Variants in MLH3 observed in about 807,000 individuals in gnomAD.
The protein encoded by MLH3 is DNA mismatch repair protein Mlh3.
Under a neutral mutation model 122.2 loss-of-function variants are expected in MLH3, and 82 were observed. That is an observed-to-expected ratio of 0.67 (90% confidence interval 0.56 to 0.81). The LOEUF (loss-of-function observed/expected upper bound fraction) is 0.81, where lower values mean the gene tolerates loss of function less well. Among genes scored for constraint, MLH3 ranks in the 30% least tolerant of loss-of-function variants. The pLI is 0.00. For synonymous variants in MLH3, 524 were observed against 599.5 expected, an observed-to-expected ratio of 0.87 and a Z score of 1.84; for missense variants, 1,539 against 1,714.5, an observed-to-expected ratio of 0.90 and a Z score of 1.81.
chr14:75,039,351 C>A (rs890700256), intron 5 of MLH3, among the ~76,000 whole-genome samples: 3 of 152,112 alleles, frequency 2.0e-5, no homozygotes, highest in African/African-American at 7.2e-5. Context: ...AATTTGTTAG[C>A]CTCCTAATTT....
Position 75,046,421 on chromosome 14 carries a change from T to C in MLH3, c.3235A>G (p.Thr1079Ala), listed in dbSNP as rs200350079. 109 of 1,614,190 alleles carry C rather than the reference T, an allele frequency of 6.8e-5. No individual in the cohort carries two copies. Among genetic ancestry groups the C allele is most frequent in the Non-Finnish European group, 8.4e-5 (99 of 1,180,006 alleles). The change falls in exon 2 of 13, where the codon ACT becomes GCT. Residue 1079 changes from threonine to alanine, a missense_variant. Thr to Ala is a moderately conservative substitution (Grantham distance 58). Coordinates refer to ENST00000355774, the MANE Select transcript of MLH3 (RefSeq NM_001040108.2). ...APTEDIQAAC[T>A]KDLTTVAVDV... is the part of the protein sequence containing the mutation. ...ACAGCCACAGTTGTCAGGTCTTTAG[T>C]ACAAGCAGCCTGAATGTCCTCAGTT...
At position 75,014,133 on chromosome 14, in the gene MLH3, C is replaced by G. The variant is rs974629972; in HGVS notation, c.*2949G>C. On this transcript the variant is annotated 3_prime_UTR_variant, in exon 13 of 13. Coordinates refer to ENST00000355774, the MANE Select transcript of MLH3 (RefSeq NM_001040108.2). ...TCAGGGCTCGCTAGGAACTGCTGAG[C>G]TGCATCTGTCCTTACTTGGCGTGGC... The G allele has an allele frequency of 3.4e-5, 6 of 175,598 alleles. 1 individual carries two copies. The highest frequency in any genetic ancestry group is 1.4e-4 in the African/African-American group (6 of 42,324). 10.9% of individuals were successfully genotyped at this position (175,598 alleles called of 1,614,324 possible).
chr14:75,030,451 G>T (rs1015395925), intron 9 of MLH3, 92 bp downstream of exon 9: 1 of 1,294,928 alleles, frequency 7.7e-7, no homozygotes, highest in Non-Finnish European at 1.1e-6. Flanking sequence ...ATGAATACTT[G>T]TTGAAGAAAA....
In MLH3 at chr14:75,022,817, G is replaced by A. The variant is rs545148003; in HGVS notation, c.4087C>T (p.His1363Tyr). Residue 1363 changes from histidine (H) to tyrosine (Y), a missense_variant, in exon 11 of 13, where the codon CAT becomes TAT. By Grantham distance (83) the His-to-Tyr change is moderately conservative (BLOSUM62 2). Coordinates refer to ENST00000355774, the MANE Select transcript of MLH3 (RefSeq NM_001040108.2). ...ACTGCTATGTTGAAGGGCTTACCAT[G>A]GCAGGCTTGGGATGCCAACACCTTC... ...VQKVLASQAC[H>Y]GAIKFNDGLS... 6.2e-7 allele frequency: 1 copy of A among 1,613,934 alleles called. No individual in the cohort carries two copies. The highest frequency in any genetic ancestry group is 1.7e-5 in the Admixed American group (1 of 60,022).
intron 9 of MLH3, 72 bp from the exon 10 acceptor site, chr14:75,023,090 A>G: frequency 6.5e-7 from 1 of 1,540,670 alleles, no homozygotes; most frequent in Non-Finnish European, 9.0e-7. Flanking sequence ...TTTACAAAAT[A>G]TCTCAATTTT....
Position 75,048,417 on chromosome 14 carries a change from T to G in MLH3, c.1239A>C (p.Arg413Ser). ...MFNLQSKAVK[R>S]KTTAENVNTQ... ...TGTTTACGTTTTCTGCAGTAGTTTT[T>G]CTTTTCACAGCTTTTGACTGCAAAT... The change falls in exon 2 of 13, where the codon AGA (arginine) becomes AGC (serine). Residue 413 changes from arginine to serine, a missense_variant. Arg to Ser is a moderately radical substitution (Grantham distance 110, BLOSUM62 -1). Transcript: ENST00000355774. 1 of 1,607,940 alleles carries G rather than the reference T, an allele frequency of 6.2e-7. No individual in the cohort carries two copies. The highest frequency in any genetic ancestry group is 8.5e-7 in the Non-Finnish European group (1 of 1,177,950).
chr14:75,022,033 CAT>C (rs28892000), intron 11 of MLH3, among the ~76,000 whole-genome samples: 2,989 of 152,238 alleles, frequency 0.02, 61 homozygotes, highest in African/African-American at 0.047. Context: ...TTTGCAAAAA[CAT>C]AGAGCTAGAG....
intron 7 of MLH3, 78 bp downstream of exon 7, chr14:75,033,341 G>A: frequency 9.2e-7 from 1 of 1,083,136 alleles, no homozygotes; most frequent in Non-Finnish European, 1.4e-6. Context: ...CACAACAGTT[G>A]CAGTTAGAAA....
chr14:75,028,729 A>C (rs996589993), intron 9 of MLH3, among the ~76,000 whole-genome samples: 2 of 151,806 alleles, frequency 1.3e-5, no homozygotes, highest in Non-Finnish European at 2.9e-5. Flanking sequence ...GATTTCCCCA[A>C]ATCTTAACTA....
intron 9 of MLH3, among the ~76,000 whole-genome samples, chr14:75,029,103 T>C (rs1431785572): frequency 3.1e-5 from 4 of 129,452 alleles, no homozygotes; most frequent in Non-Finnish European, 4.6e-5. Flanking sequence ...TGAGCTGAGA[T>C]TGTGCCATTG....
chr14:75,040,449 C>CAAAAAAAAAAAA lies in MLH3; in HGVS notation c.3466-446_3466-435dup, dbSNP rs36233766. Among the ~76,000 whole-genome samples the CAAAAAAAAAAAA allele has an allele frequency of 1.8e-3, 63 of 35,608 alleles. 4 individuals are homozygous for CAAAAAAAAAAAA. The highest frequency in any genetic ancestry group is 2.3e-3 in the Non-Finnish European group (46 of 20,002). The allele number at this position is 35,608 out of a possible 152,430, so 23.4% of individuals were successfully genotyped here. ...TGGGCGACACAGCAAGACTCTGTCA[C>CAAAAAAAAAAAA]AAAAAAAAAAAAAAAAAAAAAAAAA... On this transcript the variant is annotated intron_variant, in intron 4 of 12. Coordinates refer to ENST00000355774, the MANE Select transcript of MLH3 (RefSeq NM_001040108.2).
In MLH3 at chr14:75,047,379, C is replaced by T. The variant is rs1173267325; in HGVS notation, c.2277G>A (p.Arg759=). The T allele has an allele frequency of 6.2e-7, 1 of 1,614,110 alleles. No individual in the cohort carries two copies. Among genetic ancestry groups the T allele is most frequent in the Non-Finnish European group, 8.5e-7 (1 of 1,180,008 alleles). Residue 759 remains arginine (R), a synonymous_variant, in exon 2 of 13, where the codon AGG becomes AGA. Coordinates refer to ENST00000355774, the MANE Select transcript of MLH3 (RefSeq NM_001040108.2). ...GAGGATTTTCAACCTTCCCATATTGCCTCTTAAACTTCTCTAAAGATCCTA... is the reference window on the plus strand; with the variant it reads ...GAGGATTTTCAACCTTCCCATATTGTCTCTTAAACTTCTCTAAAGATCCTA... ...SQLGSLEKFK[R]QYGKVENPLD...
rs201554147 is a variant in MLH3, at chr14:75,022,776, G to A, written c.4090+38C>T. On this transcript the variant is annotated intron_variant, in intron 11 of 12. Transcript: ENST00000355774. The stretch of plus-strand genomic sequence containing the variant: ...CGGCAGCCCTGCCAGGGCTCTGCAT[G>A]CAGAGGTGTTTGATCACTGCTATGT... 8.4e-4 allele frequency: 1,333 copies of A among 1,581,428 alleles called. 23 individuals carry two copies. The South Asian group carries it at 0.014, about 17-fold the overall frequency.
chr14:75,030,735 AAG>A, intron 8 of MLH3, 33 bp from the exon 9 acceptor site: 3 of 1,592,240 alleles, frequency 1.9e-6, no homozygotes, highest in Middle Eastern at 1.7e-4. Flanking sequence ...TAAAAAAAAA[AAG>A]AGTGCTACTT....
intron 8 of MLH3, 69 bp from the exon 9 acceptor site, chr14:75,030,771 C>T (rs1890998269): frequency 7.5e-7 from 1 of 1,326,078 alleles, no homozygotes; most frequent in African/African-American, 1.5e-5. Context: ...CTACTGGTTC[C>T]AAATACTACT....
At chr14:75,046,107 G>C (rs1011854056) in intron 2 of MLH3, among the ~76,000 whole-genome samples, 21 of 151,598 alleles carry the variant, frequency 1.4e-4, no homozygotes, top group South Asian at 1.1e-3. Flanking sequence ...TTGAACCAGG[G>C]GGGCAGAGGT....
rs747160006 is a variant in MLH3, at chr14:75,038,389, C to CT, written c.3593dup (p.Phe1199ValfsTer9). 6.2e-7 allele frequency: 1 copy of CT among 1,613,522 alleles called. No individual in the cohort carries two copies. Among genetic ancestry groups the CT allele is most frequent in the Non-Finnish European group, 8.5e-7 (1 of 1,179,522 alleles). On this transcript the variant is annotated frameshift_variant, in exon 6 of 13. Transcript: ENST00000355774. LOFTEE classifies it high-confidence loss of function. The stretch of plus-strand genomic sequence containing the variant: ...TAGTGCTCATCAAACAGGCAATAAA[C>CT]TTGTTATCTACTTGCTGGAGAACCT...
intron 2 of MLH3, among the ~76,000 whole-genome samples, chr14:75,045,790 G>C (rs1348990118): frequency 2.0e-5 from 3 of 151,920 alleles, no homozygotes; most frequent in African/African-American, 7.3e-5. Context: ...GTTGCTCTAG[G>C]TATATACCCA....
At chr14:75,035,678 A>G (rs1891357624) in intron 6 of MLH3, among the ~76,000 whole-genome samples, 1 of 152,224 alleles carries the variant, frequency 6.6e-6, no homozygotes, top group South Asian at 2.1e-4. Context: ...GGTAAAGGGA[A>G]TATTTTGAAA....
Sources: allele counts gnomAD v4.1 joint callset (sites outside exome capture counted in the v4.1 genomes callset), GRCh38; gene constraint gnomAD v4.1.1; transcripts MANE v1.5; gene names NCBI Gene and HGNC (gene_info 2026-07-23, HGNC 2026-07-21).